Variants in FRMPD4 observed in about 807,000 individuals in gnomAD.
The protein encoded by FRMPD4 is FERM and PDZ domain-containing protein 4.
FRMPD4 carries 22 observed loss-of-function variants against 94.1 expected under a neutral mutation model. That is an observed-to-expected ratio of 0.23 (90% CI 0.17 to 0.33). The LOEUF (loss-of-function observed/expected upper bound fraction) is 0.33, where lower values mean the gene tolerates loss of function less well. FRMPD4 is among the 10% of genes least tolerant of loss of function. The probability of loss-of-function intolerance (pLI) is 1.00; values close to 1 mark genes in which losing one functional copy is unlikely to be tolerated. For synonymous variants in FRMPD4, 631 were observed against 548.6 expected, an observed-to-expected ratio of 1.15 and a Z score of -2.10; for missense variants, 1,111 against 1,339.9, an observed-to-expected ratio of 0.83 and a Z score of 2.67.
At chrX:12,533,141 C>A (rs183193257) in intron 2 of FRMPD4, among the ~76,000 whole-genome samples, 1 of 110,864 alleles carries the variant, frequency 9.0e-6, no homozygotes, top group Non-Finnish European at 1.9e-5. Flanking sequence ...ATCATGGGGG[C>A]AGGTCTTCCC....
rs772638280 is a variant in FRMPD4, at chrX:12,614,834, T to C, written c.375T>C (p.Asp125=). ...GAGATCAGATTGTAATGATTAATGA[T>C]GAACCGGTCAGCGCTGCACCCAGAG... ...IPGDQIVMIN[D]EPVSAAPRER... The change falls in exon 4 of 17, where the codon GAT becomes GAC. Residue 125 remains aspartate (D), a synonymous_variant. Coordinates refer to ENST00000675598, the MANE Select transcript of FRMPD4 (RefSeq NM_001368397.1). The C allele has an allele frequency of 3.3e-6, 4 of 1,194,358 alleles. No individual in the cohort carries two copies. The African/African-American group carries it at 7.0e-5, about 21-fold the overall frequency.
chrX:11,852,205 A>G (rs771421524), intron 1 of FRMPD4, among the ~76,000 whole-genome samples: 1 of 110,521 alleles, frequency 9.0e-6, no homozygotes, highest in Non-Finnish European at 1.9e-5. Context: ...ATGCTTACTA[A>G]CATCTGGGCC....
chrX:12,686,022 T>G, intron 6 of FRMPD4, 75 bp from the exon 7 acceptor site: 1 of 506,357 alleles, frequency 2.0e-6, no homozygotes, highest in Non-Finnish European at 3.5e-6. Context: ...GAATAAAGTA[T>G]AGATGTGCTG....
At chrX:11,994,899 C>T (rs2054488565) in intron 3 of FRMPD4, among the ~76,000 whole-genome samples, 1 of 111,468 alleles carries the variant, frequency 9.0e-6, no homozygotes, top group Non-Finnish European at 1.9e-5. Context: ...CATTCCAGCT[C>T]TGCTTCCATG....
At chrX:12,083,309 C>A (rs911949687) in intron 3 of FRMPD4, among the ~76,000 whole-genome samples, 1 of 113,129 alleles carries the variant, frequency 8.8e-6, no homozygotes, top group African/African-American at 3.2e-5. Flanking sequence ...GTGCAAGCCC[C>A]AAGCCTTGGC....
intron 3 of FRMPD4, among the ~76,000 whole-genome samples, chrX:11,925,793 G>A (rs2147348139): frequency 9.0e-6 from 1 of 111,240 alleles, no homozygotes; most frequent in African/African-American, 3.3e-5. Context: ...TGCCCACATT[G>A]AAAAAGTTAG....
chrX:12,693,144 A>G (rs1310257455), intron 8 of FRMPD4, among the ~76,000 whole-genome samples: 1 of 112,272 alleles, frequency 8.9e-6, no homozygotes, highest in Non-Finnish European at 1.9e-5. Flanking sequence ...CACGGGACTC[A>G]ATAAAGCTAT....
chrX:12,210,594 C>T (rs747805590), intron 1 of FRMPD4, among the ~76,000 whole-genome samples: 19 of 111,304 alleles, frequency 1.7e-4, no homozygotes, highest in African/African-American at 6.2e-4. Context: ...TTGTACAAAA[C>T]ACAAAGGGGG....
chrX:12,039,058 G>A (rs768310939), intron 3 of FRMPD4, among the ~76,000 whole-genome samples: 67 of 109,530 alleles, frequency 6.1e-4, no homozygotes, highest in African/African-American at 2.2e-3. Context: ...TGGTGCAGTG[G>A]AGTGCAGTGG....
intron 14 of FRMPD4, among the ~76,000 whole-genome samples, chrX:12,710,841 G>T (rs1484607581): frequency 9.0e-6 from 1 of 110,975 alleles, no homozygotes; most frequent in Non-Finnish European, 1.9e-5. Flanking sequence ...GGGAGGCAGA[G>T]GTTGCAGTGA....
At chrX:12,636,745 T>A (rs1199855287) in intron 4 of FRMPD4, among the ~76,000 whole-genome samples, 1 of 112,151 alleles carries the variant, frequency 8.9e-6, no homozygotes, top group Non-Finnish European at 1.9e-5. Flanking sequence ...AGTATATTTT[T>A]AAGTATCATT....
intron 3 of FRMPD4, among the ~76,000 whole-genome samples, chrX:12,091,935 C>T (rs2055156958): frequency 9.0e-6 from 1 of 111,645 alleles, no homozygotes; most frequent in African/African-American, 3.3e-5. Context: ...CTAGGTAGCT[C>T]AACACTTCCA....
chrX:12,722,975 C>T lies in FRMPD4; in HGVS notation c.*1117C>T, dbSNP rs982907623. On this transcript the variant is annotated 3_prime_UTR_variant, in exon 17 of 17. Coordinates refer to ENST00000675598, the MANE Select transcript of FRMPD4 (RefSeq NM_001368397.1). ...CTGCCAGTCAAATTTGGAATTATAG[C>T]GTAGTACTGGGACAAAATCTCAAAT... is the stretch of plus-strand genomic sequence containing the variant. 2 of 111,234 alleles carry T rather than the reference C, an allele frequency of 1.8e-5. No individual in the cohort carries two copies. The highest frequency in any genetic ancestry group is 6.6e-5 in the African/African-American group (2 of 30,518). The allele number at this position is 111,234 out of a possible 1,213,427, so 9.2% of individuals were successfully genotyped here. A position where few individuals can be genotyped will look rare whatever the true frequency, so the allele number is the denominator to read the frequency against.
chrX:12,443,993 G>A (rs973933405), intron 1 of FRMPD4, among the ~76,000 whole-genome samples: 13 of 110,962 alleles, frequency 1.2e-4, no homozygotes, highest in African/African-American at 4.3e-4. Context: ...GAAAGTCCCC[G>A]TTTTTTCATG....
At chrX:12,109,336 C>T (rs2055332802) in intron 3 of FRMPD4, among the ~76,000 whole-genome samples, 1 of 111,947 alleles carries the variant, frequency 8.9e-6, no homozygotes, top group South Asian at 3.7e-4. Flanking sequence ...GGGTACATAA[C>T]AAAATGAAGG....
At chrX:12,030,242 T>C (rs960461074) in intron 3 of FRMPD4, among the ~76,000 whole-genome samples, 2 of 112,283 alleles carry the variant, frequency 1.8e-5, no homozygotes, top group Non-Finnish European at 1.9e-5. Flanking sequence ...AGTTAGCATC[T>C]ACATTGCAAC....
chrX:12,220,861 CAATTACTTG>C (rs1037049272), intron 1 of FRMPD4, among the ~76,000 whole-genome samples: 2 of 111,649 alleles, frequency 1.8e-5, no homozygotes, highest in African/African-American at 6.5e-5. Flanking sequence ...TTCATATTGC[CAATTACTTG>C]AATATTATTA....
chrX:12,522,594 C>CTTTTTT (rs373581040), intron 2 of FRMPD4, among the ~76,000 whole-genome samples: 24 of 74,541 alleles, frequency 3.2e-4, no homozygotes, highest in East Asian at 4.0e-4. Flanking sequence ...TTTTCTTTTC[C>CTTTTTT]TTTTTTTTTT....
intron 2 of FRMPD4, among the ~76,000 whole-genome samples, chrX:12,542,719 C>A (rs1447411297): frequency 1.8e-5 from 2 of 111,662 alleles, no homozygotes; most frequent in African/African-American, 3.3e-5. Context: ...ACTTTCTTCA[C>A]AGAATTGGAA....
Sources: gnomAD v4.1 joint callset for allele counts (sites outside exome capture counted in the v4.1 genomes callset) on GRCh38, gnomAD v4.1.1 for gene constraint, MANE v1.5 for transcripts, NCBI Gene and HGNC (gene_info 2026-07-23, HGNC 2026-07-21) for gene names.